SFXN2: variants seen among roughly 807,000 people sequenced by gnomAD.
SFXN2 encodes the protein sideroflexin-2.
SFXN2 carries 37 observed loss-of-function variants against 41.9 expected under a neutral mutation model. That is an observed-to-expected ratio of 0.88 (90% CI 0.68 to 1.16). The LOEUF is 1.16. Among genes scored for constraint, SFXN2 ranks in the 50% most tolerant of loss-of-function variants. The probability of loss-of-function intolerance (pLI) is 0.00; values close to 1 mark genes in which losing one functional copy is unlikely to be tolerated. For missense variants in SFXN2, 386 were observed against 425.2 expected (o/e 0.91, Z 0.81); for synonymous variants, 150 against 156.7 (o/e 0.96, Z 0.32).
chr10:102,736,880 C>T (rs564265282), intron 11 of SFXN2, among the ~76,000 whole-genome samples: 3 of 149,228 alleles, frequency 2.0e-5, no homozygotes, highest in South Asian at 2.3e-4. Flanking sequence ...GGGGGCTGGT[C>T]GTGGTGGCTC....
At chr10:102,735,481 T>TTCCCCCTCCATGTTGCTCC (rs1331414201) in intron 10 of SFXN2, among the ~76,000 whole-genome samples, 4 of 130,564 alleles carry the variant, frequency 3.1e-5, no homozygotes, top group Admixed American at 7.4e-5. Context: ...CATGTCGCTC[T>TTCCCCCTCCATGTTGCTCC]TCCCCCTCCA....
chr10:102,719,521 G>A (rs1366516799), intron 1 of SFXN2, among the ~76,000 whole-genome samples: 2 of 152,144 alleles, frequency 1.3e-5, no homozygotes, highest in Admixed American at 1.3e-4. Flanking sequence ...GAGCCACTGT[G>A]CCCGGCCTTG....
chr10:102,729,530 G>A, intron 5 of SFXN2, 136 bp downstream of exon 5: 1 of 1,179,720 alleles, frequency 8.5e-7, no homozygotes, highest in South Asian at 1.4e-5. Context: ...CAAGTGATGA[G>A]AAATACACCA....
Position 102,731,750 on chromosome 10 carries a change from G to T in SFXN2, c.621G>T (p.Lys207Asn). ...AGCTCATAAAGGGAATCTGCGTGAA[G>T]GACAGGAATGAAAATGAGATTGGTC... ...QQELIKGICVKDRNENEIGHS... is the reference protein window; with the variant it reads ...QQELIKGICVNDRNENEIGHS... Residue 207 changes from lysine (K) to asparagine (N), a missense_variant, in exon 7 of 12, where the codon AAG becomes AAT. Physicochemically the swap from Lys to Asn is moderately conservative, Grantham distance 94. Transcript: ENST00000369893. 1 of 1,614,004 alleles carries T rather than the reference G, an allele frequency of 6.2e-7. No homozygotes were observed. The highest frequency in any genetic ancestry group is 8.5e-7 in the Non-Finnish European group (1 of 1,179,892).
chr10:102,719,815 G>A (rs2064480515), intron 1 of SFXN2, among the ~76,000 whole-genome samples: 1 of 152,092 alleles, frequency 6.6e-6, no homozygotes, highest in African/African-American at 2.4e-5. Flanking sequence ...ACTTAGCTAA[G>A]GTGCTATTTC....
chr10:102,736,400 G>C (rs1456407748), intron 11 of SFXN2, among the ~76,000 whole-genome samples: 1 of 151,026 alleles, frequency 6.6e-6, no homozygotes, highest in Non-Finnish European at 1.5e-5. Context: ...GGGATTACAG[G>C]TGCCTGCCAC....
chr10:102,736,848 G>A (rs970356351), intron 11 of SFXN2, among the ~76,000 whole-genome samples: 3 of 149,798 alleles, frequency 2.0e-5, no homozygotes, highest in Non-Finnish European at 3.0e-5. Context: ...ACCGTTCCCC[G>A]TTGGTCGTTA....
In SFXN2 at chr10:102,714,696, G is replaced by C. The variant is rs1399605453; in HGVS notation, c.-26+15G>C. On this transcript the variant is annotated intron_variant, in intron 1 of 11. Transcript: ENST00000369893. ...CCCGGGACCAGGTAAGGGGCCTTGGGACAATGGCGCTCGCCCTGTCTACCT... is the reference window on the plus strand; with the variant it reads ...CCCGGGACCAGGTAAGGGGCCTTGGCACAATGGCGCTCGCCCTGTCTACCT... 1 of 199,038 alleles carries C rather than the reference G, an allele frequency of 5.0e-6. No individual in the cohort carries two copies. Among genetic ancestry groups the C allele is most frequent in the Non-Finnish European group, 1.0e-5 (1 of 99,572 alleles). The allele number at this position is 199,038 out of a possible 1,614,324, so 12.3% of individuals were successfully genotyped here.
intron 1 of SFXN2, among the ~76,000 whole-genome samples, chr10:102,719,079 A>G (rs553199368): frequency 1.3e-4 from 19 of 150,172 alleles, no homozygotes; most frequent in African/African-American, 4.7e-4. Flanking sequence ...GCCTGCCACC[A>G]CGCCCGGCTA....
At position 102,737,883 on chromosome 10, in the gene SFXN2, G is replaced by T. The variant is rs759989153; in HGVS notation, c.*121G>T. The T allele has an allele frequency of 2.8e-5, 18 of 644,944 alleles. No individual in the cohort carries two copies. The highest frequency in any genetic ancestry group is 8.7e-5 in the Admixed American group (3 of 34,592). 40.0% of individuals were successfully genotyped at this position (644,944 alleles called of 1,614,324 possible). A position where few individuals can be genotyped will look rare whatever the true frequency, so the allele number is the denominator to read the frequency against. The stretch of plus-strand genomic sequence containing the variant: ...GGCCTGAAGGCCAGGGTAGATTGGG[G>T]GGTGGGACAATGAATGCCTCATACT... On this transcript the variant is annotated 3_prime_UTR_variant, in exon 12 of 12. Transcript: ENST00000369893.
At chr10:102,717,006 GTAT>G (rs2064425664) in intron 1 of SFXN2, among the ~76,000 whole-genome samples, 4 of 151,884 alleles carry the variant, frequency 2.6e-5, no homozygotes, top group African/African-American at 9.7e-5. Flanking sequence ...AGGGCCAAGT[GTAT>G]CAAAAATGCC....
intron 1 of SFXN2, among the ~76,000 whole-genome samples, chr10:102,722,231 A>G (rs964990614): frequency 6.6e-6 from 1 of 152,168 alleles, no homozygotes; most frequent in African/African-American, 2.4e-5. Flanking sequence ...CTCTTAGCAT[A>G]TCAATTATAC....
In SFXN2 at chr10:102,740,857, G is replaced by A. The variant is rs1459332435; in HGVS notation, c.*3095G>A. ...ATAGGAAAAGGGAAACATTACCAGA[G>A]CCAGTAGAGCTTGGAAACAACTCCT... On this transcript the variant is annotated 3_prime_UTR_variant, in exon 12 of 12. Coordinates refer to ENST00000369893, the MANE Select transcript of SFXN2 (RefSeq NM_178858.6). 6.6e-6 allele frequency: 1 copy of A among 152,192 alleles called. No individual in the cohort carries two copies. The highest frequency in any genetic ancestry group is 1.5e-5 in the Non-Finnish European group (1 of 68,040). The allele number at this position is 152,192 out of a possible 1,614,324, so 9.4% of individuals were successfully genotyped here. A position where few individuals can be genotyped will look rare whatever the true frequency, so the allele number is the denominator to read the frequency against.
At chr10:102,729,660 GC>G (rs2064669833) in intron 5 of SFXN2, 62 bp from the exon 6 acceptor site, 1 of 1,525,530 alleles carries the variant, frequency 6.6e-7, no homozygotes, top group South Asian at 1.1e-5. Flanking sequence ...TAGTCGTTCA[GC>G]CCCCTCCCCT....
chr10:102,721,634 A>G (rs2136031921), intron 1 of SFXN2, among the ~76,000 whole-genome samples: 1 of 148,030 alleles, frequency 6.8e-6, no homozygotes, highest in African/African-American at 2.4e-5. Context: ...TATAATTTAT[A>G]TATTTAGAAA....
intron 10 of SFXN2, among the ~76,000 whole-genome samples, chr10:102,735,365 A>C (rs1180670888): frequency 2.9e-5 from 4 of 138,776 alleles, no homozygotes; most frequent in African/African-American, 1.1e-4. Context: ...TTCCCTCTCC[A>C]AGTCGCTCCC....
chr10:102,727,226 GATA>G, intron 3 of SFXN2, 69 bp downstream of exon 3: 1 of 1,460,460 alleles, frequency 6.8e-7, no homozygotes, highest in Non-Finnish European at 9.4e-7. Flanking sequence ...GCCATACTAT[GATA>G]ATAATAATAG....
chr10:102,742,070 A>G lies in SFXN2; in HGVS notation c.*4308A>G, dbSNP rs1387148798. ...TGTGGGCTAGACTGGGCCAGGCTGT[A>G]AAACACTTTGACAGGTTTTTGAGAG... On this transcript the variant is annotated 3_prime_UTR_variant, in exon 12 of 12. Coordinates refer to ENST00000369893, the MANE Select transcript of SFXN2 (RefSeq NM_178858.6). 1 of 152,246 alleles carries G rather than the reference A, an allele frequency of 6.6e-6. No homozygotes were observed. The highest frequency in any genetic ancestry group is 1.5e-5 in the Non-Finnish European group (1 of 68,050). 9.4% of individuals were successfully genotyped at this position (152,246 alleles called of 1,614,324 possible). A position where few individuals can be genotyped will look rare whatever the true frequency, so the allele number is the denominator to read the frequency against.
chr10:102,730,390 A>G (rs372352281), intron 6 of SFXN2, among the ~76,000 whole-genome samples: 1 of 152,272 alleles, frequency 6.6e-6, no homozygotes, highest in Non-Finnish European at 1.5e-5. Flanking sequence ...CACCTGGAAC[A>G]TAAGAGATGC....
Sources: gnomAD v4.1 joint callset for allele counts (sites outside exome capture counted in the v4.1 genomes callset) on GRCh38, gnomAD v4.1.1 for gene constraint, MANE v1.5 for transcripts, NCBI Gene and HGNC (gene_info 2026-07-23, HGNC 2026-07-21) for gene names.